XRCC5: variants seen among roughly 807,000 people sequenced by gnomAD.
The protein encoded by XRCC5 is X-ray repair cross complementing 5.
In XRCC5, 12 loss-of-function variants were observed where a neutral mutation model predicts 95.7. The observed-to-expected ratio is 0.13, with a 90% CI of 0.08 to 0.20. XRCC5 has a LOEUF of 0.20. Ranked by LOEUF, XRCC5 falls within the 10% of genes least tolerant of loss-of-function variation. The pLI, the probability that XRCC5 is intolerant of heterozygous loss-of-function variation, is 1.00. For missense variants in XRCC5, 595 were observed against 873.9 expected, an observed-to-expected ratio of 0.68 and a Z score of 4.02; for synonymous variants, 281 against 290.3, an observed-to-expected ratio of 0.97 and a Z score of 0.33.
intron 3 of XRCC5, chr2:216,117,543 G>A (rs984037650): frequency 2.0e-5 from 10 of 505,588 alleles, no homozygotes; most frequent in African/African-American, 1.5e-4. Context: ...TTTCTTGGTT[G>A]TTTTTGGCAG....
intron 14 of XRCC5, among the ~76,000 whole-genome samples, chr2:216,157,908 T>C (rs1204213164): frequency 6.6e-6 from 1 of 152,242 alleles, no homozygotes; most frequent in African/African-American, 2.4e-5. Context: ...AAGAGAGTCA[T>C]TACCCTTTCC....
intron 2 of XRCC5, among the ~76,000 whole-genome samples, chr2:216,113,702 A>G (rs1157725438): frequency 6.6e-6 from 1 of 152,106 alleles, no homozygotes; most frequent in Non-Finnish European, 1.5e-5. Flanking sequence ...AAAATGGCTC[A>G]CTCACATGGC....
chr2:216,171,727 T>TGG (rs1452532094), intron 16 of XRCC5, among the ~76,000 whole-genome samples: 1 of 152,236 alleles, frequency 6.6e-6, no homozygotes, highest in Non-Finnish European at 1.5e-5. Flanking sequence ...AATGTTTTCT[T>TGG]GGGGCATTGA....
intron 16 of XRCC5, among the ~76,000 whole-genome samples, chr2:216,185,793 T>G (rs1480053514): frequency 6.6e-6 from 1 of 151,896 alleles, no homozygotes; most frequent in Admixed American, 6.6e-5. Flanking sequence ...TCTGGCTAAT[T>G]TTTGTATTTT....
chr2:216,135,730 CAG>C (rs1482136410), intron 10 of XRCC5, among the ~76,000 whole-genome samples: 1 of 151,364 alleles, frequency 6.6e-6, no homozygotes, highest in African/African-American at 2.4e-5. Context: ...ACGGGGGACA[CAG>C]AAGCTGCAGT....
chr2:216,179,429 G>A (rs570994711), intron 16 of XRCC5, among the ~76,000 whole-genome samples: 9 of 152,290 alleles, frequency 5.9e-5, no homozygotes, highest in Admixed American at 2.0e-4. Context: ...GAATGTGGGG[G>A]CGGGGTGGGG....
chr2:216,136,310 C>T (rs187288467), intron 10 of XRCC5, among the ~76,000 whole-genome samples: 42 of 146,994 alleles, frequency 2.9e-4, no homozygotes, highest in African/African-American at 1.0e-3. Context: ...GAGCTGAGAT[C>T]ACGCCATTGC....
At chr2:216,146,703 A>T (rs1688642126) in intron 13 of XRCC5, among the ~76,000 whole-genome samples, 1 of 152,166 alleles carries the variant, frequency 6.6e-6, no homozygotes, top group Non-Finnish European at 1.5e-5. Flanking sequence ...GGCCTGGCCC[A>T]GTAGACTTGA....
chr2:216,171,741 TAAG>T (rs745529132), intron 16 of XRCC5, among the ~76,000 whole-genome samples: 22 of 152,232 alleles, frequency 1.4e-4, no homozygotes, highest in Non-Finnish European at 2.8e-4. Context: ...GCATTGAGAG[TAAG>T]ATACACTGTC....
Position 216,194,866 on chromosome 2 carries a change from G to A in XRCC5, c.2042-53G>A, listed in dbSNP as rs1689686025. On this transcript the variant is annotated intron_variant, in intron 18 of 20. Coordinates refer to ENST00000392132, the MANE Select transcript of XRCC5 (RefSeq NM_021141.4). ...AGGAGGTGTGATGGAAACGAAAATG[G>A]GATTGGGGTTGATTCTTTGTGTTTT... 4 of 1,569,042 alleles carry A rather than the reference G, an allele frequency of 2.5e-6. No individual in the cohort carries two copies. In the African/African-American group the frequency reaches 4.1e-5, roughly 16 times the overall value.
At chr2:216,123,953 C>T (rs1278625512) in intron 6 of XRCC5, among the ~76,000 whole-genome samples, 1 of 152,194 alleles carries the variant, frequency 6.6e-6, no homozygotes, top group African/African-American at 2.4e-5. Flanking sequence ...GATTTTAGGT[C>T]TGCCATGAAG....
At position 216,116,706 on chromosome 2, in the gene XRCC5, A is replaced by G. The variant is rs761501236; in HGVS notation, c.183A>G (p.Thr61=). The G allele has an allele frequency of 1.2e-6, 2 of 1,614,240 alleles. No homozygotes were observed. The highest frequency in any genetic ancestry group is 2.2e-5 in the South Asian group (2 of 91,090). Residue 61 remains threonine, a synonymous_variant, in exon 3 of 21, where the codon ACA becomes ACG. Coordinates refer to ENST00000392132, the MANE Select transcript of XRCC5 (RefSeq NM_021141.4). ...AGATTGCTTTAGTCCTGTTTGGTAC[A>G]GATGGCACTGACAATCCCCTTTCTG... ...KDEIALVLFG[T]DGTDNPLSGG... is the part of the protein sequence containing the mutation.
chr2:216,161,887 C>G, intron 15 of XRCC5, 92 bp from the exon 16 acceptor site: 2 of 1,013,230 alleles, frequency 2.0e-6, no homozygotes, highest in Middle Eastern at 2.1e-4. Flanking sequence ...TTTATAAGAG[C>G]ACACTTATTA....
chr2:216,130,871 C>T lies in XRCC5; in HGVS notation c.938-4C>T, dbSNP rs751375406. On this transcript the variant is annotated splice_polypyrimidine_tract_variant and splice_region_variant and intron_variant, in intron 8 of 20. Transcript: ENST00000392132. ...TTAACAGATGCTCTTCTCTTTTTCT[C>T]CAGGGTTCCGCTATGGAAGTGATAT... The T allele has an allele frequency of 6.3e-7, 1 of 1,595,834 alleles. No individual in the cohort carries two copies. The highest frequency in any genetic ancestry group is 8.5e-7 in the Non-Finnish European group (1 of 1,171,560).
rs111698292 is a variant in XRCC5 at position 216,122,269 on chromosome 2, A to G, written c.683+16A>G. 1.3e-5 allele frequency: 20 copies of G among 1,582,346 alleles called. No homozygotes were observed. The African/African-American group carries it at 1.5e-4, about 12-fold the overall frequency. ...ATTCATTCAGGTAAGAATTGAAAAC[A>G]TTGATGGGAATTTTTAATTGTACCC... On this transcript the variant is annotated intron_variant, in intron 6 of 20. Transcript: ENST00000392132.
intron 10 of XRCC5, among the ~76,000 whole-genome samples, chr2:216,135,517 G>A (rs1030050681): frequency 1.3e-5 from 2 of 152,098 alleles, no homozygotes; most frequent in Non-Finnish European, 2.9e-5. Context: ...TGGTAGTTTC[G>A]TGAACACTTA....
intron 17 of XRCC5, 66 bp downstream of exon 17, chr2:216,190,400 A>G: frequency 7.2e-7 from 1 of 1,394,298 alleles, no homozygotes; most frequent in Non-Finnish European, 1.0e-6. Flanking sequence ...AAAGAGGCAT[A>G]CAGCATCCTG....
At chr2:216,185,295 C>A (rs1391186187) in intron 16 of XRCC5, among the ~76,000 whole-genome samples, 1 of 152,088 alleles carries the variant, frequency 6.6e-6, no homozygotes, top group Non-Finnish European at 1.5e-5. Flanking sequence ...TTGTGTTGGT[C>A]CCTGACTGAT....
intron 5 of XRCC5, among the ~76,000 whole-genome samples, chr2:216,121,306 T>C (rs1696805152): frequency 6.6e-6 from 1 of 152,186 alleles, no homozygotes; most frequent in Non-Finnish European, 1.5e-5. Flanking sequence ...GAAGAAAAAT[T>C]GTAAACAGCC....
Sources: gnomAD v4.1 joint callset for allele counts (sites outside exome capture counted in the v4.1 genomes callset) on GRCh38, gnomAD v4.1.1 for gene constraint, MANE v1.5 for transcripts, NCBI Gene and HGNC (gene_info 2026-07-23, HGNC 2026-07-21) for gene names.